The following ORC3 variants were observed in gnomAD, a reference collection of about 807,000 sequenced individuals.
ORC3 encodes the protein homolog of latheo, Drosophila.
A neutral mutation model predicts 100.7 loss-of-function variants in ORC3; 78 were observed. The ratio of observed to expected loss-of-function variants is 0.77; its 90% CI spans 0.65 to 0.94. The LOEUF (loss-of-function observed/expected upper bound fraction) is 0.94. Among genes scored for constraint, ORC3 ranks in the 40% least tolerant of loss-of-function variants. ORC3 has a pLI of 0.00. For synonymous variants in ORC3, 295 were observed against 289.3 expected, an observed-to-expected ratio of 1.02 and a Z score of -0.20; for missense variants, 789 against 823.9, an observed-to-expected ratio of 0.96 and a Z score of 0.52.
Position 87,663,191 on chromosome 6 carries a change from C to T in ORC3, c.1833+47C>T, listed in dbSNP as rs954927352. On this transcript the variant is annotated intron_variant, in intron 17 of 19. Coordinates refer to ENST00000392844, the MANE Select transcript of ORC3 (RefSeq NM_012381.4). ...CTGATAGTTTAGCTCAGACTCTGGG[C>T]GTCATTGTCATAAAAATATACTAAA... 2.2e-5 allele frequency: 32 copies of T among 1,460,224 alleles called. No individual in the cohort carries two copies. In the African/African-American group the frequency reaches 2.5e-4, roughly 11 times the overall value. 90.5% of individuals were successfully genotyped at this position (1,460,224 alleles called of 1,614,324 possible). A position where few individuals can be genotyped will look rare whatever the true frequency, so the allele number is the denominator to read the frequency against.
At chr6:87,670,538 A>C (rs572287072), downstream of ORC3, among the ~76,000 whole-genome samples, 4 of 152,308 alleles carry the variant, frequency 2.6e-5, no homozygotes, top group Admixed American at 2.0e-4. Context: ...CTTTGTGGTA[A>C]TCATTAATGG....
At chr6:87,648,265 A>AT (rs1243868280) in intron 13 of ORC3, among the ~76,000 whole-genome samples, 2 of 152,186 alleles carry the variant, frequency 1.3e-5, no homozygotes, top group African/African-American at 4.8e-5. Flanking sequence ...CATTCTAATA[A>AT]TCTAAGTGAA....
At chr6:87,663,484 A>G (rs925622824) in intron 17 of ORC3, among the ~76,000 whole-genome samples, 1 of 152,278 alleles carries the variant, frequency 6.6e-6, no homozygotes, top group African/African-American at 2.4e-5. Context: ...AACAGCAGAC[A>G]GGGATTAAAC....
In ORC3 at chr6:87,656,359, G is replaced by A. The variant is rs181637179; in HGVS notation, c.1517-547G>A. On this transcript the variant is annotated intron_variant, in intron 14 of 19. Transcript: ENST00000392844. ...TCCCAGCACTTTGGGAGGCCAAAGC[G>A]GGTGGATCACCTGAGGTCAGCAGTT... is the stretch of plus-strand genomic sequence containing the variant. Among the ~76,000 whole-genome samples the A allele has an allele frequency of 9.7e-3, 1,476 of 152,222 alleles. 24 individuals carry two copies. Among genetic ancestry groups the A allele is most frequent in the African/African-American group, 0.033 (1,369 of 41,528 alleles).
chr6:87,630,927 G>A (rs1025482263), intron 11 of ORC3, among the ~76,000 whole-genome samples: 2 of 151,866 alleles, frequency 1.3e-5, no homozygotes, highest in Admixed American at 1.3e-4. Flanking sequence ...CTGGAGTACA[G>A]TGGTGCAATC....
chr6:87,612,306 A>C, intron 8 of ORC3, 58 bp downstream of exon 8: 1 of 1,203,646 alleles, frequency 8.3e-7, no homozygotes. Context: ...CCAATAATAG[A>C]TTGTTAAGAT....
At chr6:87,627,750 T>A (rs1269786118) in intron 11 of ORC3, among the ~76,000 whole-genome samples, 2 of 152,210 alleles carry the variant, frequency 1.3e-5, no homozygotes, top group Non-Finnish European at 2.9e-5. Context: ...ATTTTCTATA[T>A]TCAAGTGTCT....
intron 2 of ORC3, among the ~76,000 whole-genome samples, chr6:87,601,401 T>C (rs894936765): frequency 5.9e-5 from 9 of 152,204 alleles, no homozygotes; most frequent in African/African-American, 2.2e-4. Context: ...CCAGGCAAGG[T>C]GGCTCACACT....
chr6:87,612,072 C>CT lies in ORC3; in HGVS notation c.714-16dup. ...TGCTAAATAAATTTCACTTTTGTGT[C>CT]TGTCTTTCAAAACTAGTCAACATCT... On this transcript the variant is annotated splice_polypyrimidine_tract_variant and intron_variant, in intron 7 of 19. Coordinates refer to ENST00000392844, the MANE Select transcript of ORC3 (RefSeq NM_012381.4). 1 of 1,602,430 alleles carries CT rather than the reference C, an allele frequency of 6.2e-7. No individual in the cohort carries two copies. The highest frequency in any genetic ancestry group is 8.5e-7 in the Non-Finnish European group (1 of 1,176,146).
chr6:87,616,016 GA>G (rs11454207), intron 8 of ORC3, among the ~76,000 whole-genome samples: 10 of 145,346 alleles, frequency 6.9e-5, no homozygotes, highest in East Asian at 2.0e-4. Flanking sequence ...TTCTGGTGAG[GA>G]AAAAAAAAAG....
chr6:87,607,137 A>C (rs1247083739), intron 5 of ORC3, among the ~76,000 whole-genome samples: 1 of 152,182 alleles, frequency 6.6e-6, no homozygotes, highest in Non-Finnish European at 1.5e-5. Flanking sequence ...ATTATAGATA[A>C]TATACATAAA....
chr6:87,606,576 G>A (rs982667436), intron 5 of ORC3, among the ~76,000 whole-genome samples: 4 of 151,850 alleles, frequency 2.6e-5, no homozygotes, highest in Admixed American at 2.6e-4. Flanking sequence ...TGTTGCCTAG[G>A]CTGTACTACA....
chr6:87,591,137 T>G (rs1406379436), intron 1 of ORC3, among the ~76,000 whole-genome samples: 1 of 152,254 alleles, frequency 6.6e-6, no homozygotes. Flanking sequence ...TGGCTGCAGC[T>G]ACCATTTTAG....
chr6:87,664,802 A>G lies in ORC3; in HGVS notation c.1893A>G (p.Ile631Met). ...CIPNIAPDIC[I>M]AYKLHLECSR... ...CGAATATCGCCCCAGACATCTGCAT[A>G]GCATACAAACTGCACCTAGAGTGTA... is the stretch of plus-strand genomic sequence containing the variant. Residue 631 changes from isoleucine to methionine, a missense_variant, in exon 18 of 20, where the codon ATA (isoleucine) becomes ATG (methionine). Ile to Met is a conservative substitution (Grantham distance 10). Coordinates refer to ENST00000392844, the MANE Select transcript of ORC3 (RefSeq NM_012381.4). 1 of 1,614,194 alleles carries G rather than the reference A, an allele frequency of 6.2e-7. No homozygotes were observed. Among genetic ancestry groups the G allele is most frequent in the South Asian group, 1.1e-5 (1 of 91,090 alleles).
At chr6:87,633,790 A>G (rs1767607259) in intron 11 of ORC3, among the ~76,000 whole-genome samples, 1 of 152,188 alleles carries the variant, frequency 6.6e-6, no homozygotes. Flanking sequence ...AGAAAATGTT[A>G]CAGAGTAAGT....
intron 1 of ORC3, among the ~76,000 whole-genome samples, chr6:87,592,781 GA>G (rs1777129519): frequency 6.6e-6 from 1 of 151,792 alleles, no homozygotes; most frequent in South Asian, 2.1e-4. Context: ...ATTTTCCATA[GA>G]AATCGAAATA....
At position 87,634,884 on chromosome 6, in the gene ORC3, CAT is replaced by C; in HGVS notation, c.1228_1229del (p.Met410GlufsTer11). 1 of 1,599,798 alleles carries C rather than the reference CAT, an allele frequency of 6.3e-7. No individual in the cohort carries two copies. Among genetic ancestry groups the C allele is most frequent in the Non-Finnish European group, 8.6e-7 (1 of 1,167,350 alleles). ...ATTACTAGAAAACCTGCATGTTTAT[CAT>C]ATGAATTACTTCCTGGTTTTGAGAT... ...QLLLENLHVYHMNYFLVLRCL... is the reference protein window; with the variant it reads ...QLLLENLHVYXMNYFLVLRCL... On this transcript the variant is annotated frameshift_variant, in exon 12 of 20. Coordinates refer to ENST00000392844, the MANE Select transcript of ORC3 (RefSeq NM_012381.4). LOFTEE classifies it high-confidence loss of function.
chr6:87,642,255 G>GCA (rs1267778888), intron 13 of ORC3, among the ~76,000 whole-genome samples: 1 of 152,100 alleles, frequency 6.6e-6, no homozygotes, highest in East Asian at 1.9e-4. Context: ...TTGTACCACT[G>GCA]CACTCCAGCT....
At chr6:87,638,362 A>T (rs898868271) in intron 13 of ORC3, among the ~76,000 whole-genome samples, 2 of 152,206 alleles carry the variant, frequency 1.3e-5, no homozygotes, top group African/African-American at 4.8e-5. Flanking sequence ...CATTCTCAAT[A>T]GGCATCACCT....
Sources: gnomAD v4.1 joint callset for allele counts (sites outside exome capture counted in the v4.1 genomes callset) on GRCh38, gnomAD v4.1.1 for gene constraint, MANE v1.5 for transcripts, NCBI Gene and HGNC (gene_info 2026-07-23, HGNC 2026-07-21) for gene names.